KAZN: variants seen among roughly 807,000 people sequenced by gnomAD.
KAZN encodes the protein kazrin, periplakin interacting protein, also known as kazrin.
In KAZN, 40 loss-of-function variants were observed where a neutral mutation model predicts 87.4. That is an observed-to-expected ratio of 0.46 (90% confidence interval 0.36 to 0.60). The LOEUF is 0.60. Among genes scored for constraint, KAZN ranks in the 20% least tolerant of loss-of-function variants. The pLI is 0.00. For synonymous variants in KAZN, 466 were observed against 458.3 expected (o/e 1.02, Z -0.22); for missense variants, 898 against 1,073.9 (o/e 0.84, Z 2.29).
chr1:14,371,804 A>G (rs988029902), intron 2 of KAZN, among the ~76,000 whole-genome samples: 3 of 152,194 alleles, frequency 2.0e-5, no homozygotes, highest in Non-Finnish European at 2.9e-5. Context: ...GAAAACCAAG[A>G]AACAGGAGAA....
At chr1:14,186,674 T>C (rs1411319779) in intron 2 of KAZN, among the ~76,000 whole-genome samples, 2 of 152,148 alleles carry the variant, frequency 1.3e-5, no homozygotes, top group South Asian at 4.1e-4. Flanking sequence ...GGTCTCGCCA[T>C]GACTGTGAGC....
chr1:14,598,471 G>A (rs1452740898), upstream of KAZN, among the ~76,000 whole-genome samples: 1 of 152,128 alleles, frequency 6.6e-6, no homozygotes, highest in African/African-American at 2.4e-5. This position sits in a 1 kb window ranked among gnomAD's most constrained non-coding sequence, Gnocchi z 4.2. Context: ...CAGAGGGCCG[G>A]CCTCGGTCCA....
intron 1 of KAZN, among the ~76,000 whole-genome samples, chr1:14,668,098 G>A (rs1203417220): frequency 2.0e-5 from 3 of 152,062 alleles, no homozygotes; most frequent in African/African-American, 7.2e-5. Context: ...GGCCCCAAAG[G>A]GACTCTTCTA....
At chr1:14,227,104 C>T (rs995800471) in intron 2 of KAZN, among the ~76,000 whole-genome samples, 3 of 149,798 alleles carry the variant, frequency 2.0e-5, no homozygotes, top group African/African-American at 4.9e-5. Flanking sequence ...ATGAAGTAGC[C>T]ACAGATTTAT....
intron 8 of KAZN, among the ~76,000 whole-genome samples, chr1:15,080,960 A>T (rs1398191609): frequency 6.6e-6 from 1 of 152,238 alleles, no homozygotes; most frequent in Admixed American, 6.5e-5. Flanking sequence ...TGACAAAGAA[A>T]TCTGGCCCCA....
intron 2 of KAZN, among the ~76,000 whole-genome samples, chr1:14,291,580 T>C (rs1653696104): frequency 6.6e-6 from 1 of 152,198 alleles, no homozygotes; most frequent in South Asian, 2.1e-4. Flanking sequence ...ATTTTCTAGA[T>C]ACAGTCTGTC....
intron 2 of KAZN, among the ~76,000 whole-genome samples, chr1:14,970,343 G>A (rs1664894101): frequency 6.6e-6 from 1 of 152,084 alleles, no homozygotes. Context: ...TATCACGTGG[G>A]CGGGGCTCTG....
intron 1 of KAZN, among the ~76,000 whole-genome samples, chr1:13,992,626 A>T (rs563825165): frequency 1.5e-4 from 23 of 152,134 alleles, no homozygotes; most frequent in Non-Finnish European, 3.2e-4. Flanking sequence ...CCTCTTTATT[A>T]GAGGCAAATT....
At chr1:14,014,097 A>G (rs1402476496) in intron 1 of KAZN, among the ~76,000 whole-genome samples, 2 of 151,968 alleles carry the variant, frequency 1.3e-5, no homozygotes, top group East Asian at 3.9e-4. Context: ...TTTCTTTCTC[A>G]TGAGGACTCT....
chr1:14,182,616 A>T (rs1646221461), intron 2 of KAZN, among the ~76,000 whole-genome samples: 1 of 152,202 alleles, frequency 6.6e-6, no homozygotes, highest in South Asian at 2.1e-4. Context: ...AATGCCAAGG[A>T]ATCCCAACGT....
At chr1:14,500,740 A>G (rs1670192135) in intron 2 of KAZN, among the ~76,000 whole-genome samples, 2 of 152,204 alleles carry the variant, frequency 1.3e-5, no homozygotes, top group South Asian at 4.1e-4. Context: ...ACCAGGAATG[A>G]AAAAGTAGAC....
intron 2 of KAZN, among the ~76,000 whole-genome samples, chr1:14,298,952 C>A (rs1654330487): frequency 6.6e-6 from 1 of 152,176 alleles, no homozygotes. Flanking sequence ...GGCCTGTGAG[C>A]AGGACAATGA....
chr1:13,967,115 A>AT (rs1272271551), intron 1 of KAZN, among the ~76,000 whole-genome samples: 1 of 151,924 alleles, frequency 6.6e-6, no homozygotes, highest in Non-Finnish European at 1.5e-5. Context: ...GATTAAAGTT[A>AT]TTTTTTTCAA....
At chr1:15,069,160 C>T (rs1174672362) in intron 8 of KAZN, among the ~76,000 whole-genome samples, 1 of 152,160 alleles carries the variant, frequency 6.6e-6, no homozygotes, top group Non-Finnish European at 1.5e-5. Flanking sequence ...TGGCCACACG[C>T]ATGCCCCTAC....
At chr1:14,079,243 C>T (rs1307730783) in intron 1 of KAZN, among the ~76,000 whole-genome samples, 1 of 152,348 alleles carries the variant, frequency 6.6e-6, no homozygotes, top group African/African-American at 2.4e-5. Context: ...GTGCCAGGCT[C>T]TTTAACTCTT....
chr1:14,755,100 A>T (rs886319367), intron 1 of KAZN, among the ~76,000 whole-genome samples: 3 of 151,284 alleles, frequency 2.0e-5, no homozygotes, highest in African/African-American at 7.3e-5. Flanking sequence ...AAAAAAAAAA[A>T]AAAATAGCCA....
intron 2 of KAZN, among the ~76,000 whole-genome samples, chr1:14,509,422 C>T (rs1670784519): frequency 1.3e-5 from 2 of 152,184 alleles, no homozygotes; most frequent in Non-Finnish European, 2.9e-5. Flanking sequence ...GTGGCATGTC[C>T]ATGATGGATG....
intron 1 of KAZN, among the ~76,000 whole-genome samples, chr1:14,172,015 A>G (rs1397227638): frequency 6.6e-6 from 1 of 152,218 alleles, no homozygotes; most frequent in Non-Finnish European, 1.5e-5. Context: ...TGTAACCTAA[A>G]TACTCATTAA....
intron 1 of KAZN, among the ~76,000 whole-genome samples, chr1:13,910,228 G>C (rs1408062366): frequency 1.3e-5 from 2 of 152,198 alleles, no homozygotes; most frequent in Non-Finnish European, 2.9e-5. Flanking sequence ...TGTGACACAG[G>C]CTGGGTGTGG....
Sources: gnomAD v4.1 joint callset for allele counts (sites outside exome capture counted in the v4.1 genomes callset) on GRCh38, gnomAD v4.1.1 for gene constraint, Gnocchi (gnomAD v3.1) non-coding constraint, MANE v1.5 for transcripts, NCBI Gene and HGNC (gene_info 2026-07-23, HGNC 2026-07-21) for gene names.